The following UBTF variants were observed in gnomAD, a reference collection of about 807,000 sequenced individuals.
The protein encoded by UBTF is upstream binding transcription factor.
UBTF carries 8 observed loss-of-function variants against 112.3 expected under a neutral mutation model. The observed-to-expected ratio is 0.07, with a 90% CI of 0.04 to 0.13. The LOEUF is 0.13. Among genes scored for constraint, UBTF ranks in the 10% least tolerant of loss-of-function variants. UBTF has a pLI of 1.00. For synonymous variants in UBTF, 417 were observed against 373.1 expected (o/e 1.12, Z -1.36); for missense variants, 457 against 982.1 (o/e 0.47, Z 7.15).
chr17:44,218,115 G>A (rs1337174339), intron 2 of UBTF, 57 bp downstream of exon 2: 5 of 1,548,036 alleles, frequency 3.2e-6, no homozygotes, highest in African/African-American at 2.7e-5. Context: ...AGTGAGCCCC[G>A]CAGCCACGAG....
At position 44,209,634 on chromosome 17, in the gene UBTF, C is replaced by G. The variant is rs760390267; in HGVS notation, c.1715+11G>C. 5 of 1,614,158 alleles carry G rather than the reference C, an allele frequency of 3.1e-6. No individual in the cohort carries two copies. The Admixed American group carries it at 8.3e-5, about 27-fold the overall frequency. On this transcript the variant is annotated intron_variant, in intron 16 of 20. Coordinates refer to ENST00000436088, the MANE Select transcript of UBTF (RefSeq NM_014233.4). ...CCGACCTCCAGGGCAGACTCCAACC[C>G]CCAGGCTCACATGGGAGGCTTCTTG...
intron 5 of UBTF, among the ~76,000 whole-genome samples, chr17:44,214,133 C>T (rs1381940405): frequency 3.3e-5 from 5 of 152,214 alleles, no homozygotes; most frequent in South Asian, 2.1e-4. Flanking sequence ...CTTTCATCCT[C>T]GCGGGCTCAC....
Position 44,218,594 on chromosome 17 carries a change from C to CAAAAAAAAAAAA in UBTF, c.-67-310_-67-299dup, listed in dbSNP as rs71160095. ...CTCCGCCCCGCTTCCCAACCCCAGC[C>CAAAAAAAAAAAA]AAAAAAAAAAAAAAAGAAAAAATCT... On this transcript the variant is annotated intron_variant, in intron 1 of 20. Coordinates refer to ENST00000436088, the MANE Select transcript of UBTF (RefSeq NM_014233.4). 60 of 83,986 alleles carry CAAAAAAAAAAAA rather than the reference C, an allele frequency of 7.1e-4. 3 individuals carry two copies. The highest frequency in any genetic ancestry group is 5.1e-3 in the Middle Eastern group (1 of 198). 5.2% of individuals were successfully genotyped at this position (83,986 alleles called of 1,614,324 possible). A position where few individuals can be genotyped will look rare whatever the true frequency, so the allele number is the denominator to read the frequency against.
At chr17:44,218,328 A>G in intron 1 of UBTF, 32 bp from the exon 2 acceptor site, 1 of 1,344,796 alleles carries the variant, frequency 7.4e-7, no homozygotes, top group Non-Finnish European at 1.0e-6. Context: ...CCACTCAGGA[A>G]GGCTGAGAGG....
intron 13 of UBTF, 114 bp downstream of exon 13, chr17:44,210,678 G>GC: frequency 1.4e-6 from 2 of 1,462,264 alleles, no homozygotes. Flanking sequence ...CCACGTCCCA[G>GC]CCCAGGCACC....
chr17:44,208,875 G>A lies in UBTF; in HGVS notation c.1905+477C>T, dbSNP rs942160205. The A allele has an allele frequency of 1.2e-5, 4 of 329,294 alleles. No individual in the cohort carries two copies. The Admixed American group carries it at 1.6e-4, about 13-fold the overall frequency. 20.4% of individuals were successfully genotyped at this position (329,294 alleles called of 1,614,324 possible). ...AGTTACTTAACCTCTCTGAGCCTTG[G>A]TTTCCTTATTTTTAAAAGGGTGATA... On this transcript the variant is annotated intron_variant, in intron 17 of 20. Transcript: ENST00000436088.
intron 6 of UBTF, 94 bp from the exon 7 acceptor site, chr17:44,213,033 A>T: frequency 1.3e-6 from 2 of 1,569,594 alleles, no homozygotes; most frequent in African/African-American, 1.4e-5. Context: ...TGGGCCTTTC[A>T]GCTGGGGCTC....
chr17:44,216,188 G>C, intron 3 of UBTF, 199 bp from the exon 4 acceptor site: 1 of 618,040 alleles, frequency 1.6e-6, no homozygotes, highest in South Asian at 2.0e-5. Context: ...GGCCCAGGCA[G>C]TCAGTACACA....
upstream of UBTF, chr17:44,221,174 A>G (rs1287720834): frequency 4.0e-5 from 6 of 150,218 alleles, no homozygotes; most frequent in African/African-American, 1.5e-4. Context: ...AGACTTTTGG[A>G]TATTTCTGCC....
chr17:44,216,807 C>T (rs1465116645), intron 2 of UBTF, 103 bp from the exon 3 acceptor site: 16 of 1,172,422 alleles, frequency 1.4e-5, no homozygotes, highest in Non-Finnish European at 2.0e-5. Context: ...GGCATCCCAG[C>T]CCCTGGTTGC....
chr17:44,210,629 G>GA (rs2056604548), intron 13 of UBTF, among the ~76,000 whole-genome samples, 156 bp from the exon 14 acceptor site: 1 of 152,192 alleles, frequency 6.6e-6, no homozygotes, highest in Non-Finnish European at 1.5e-5. Flanking sequence ...GCGGCGCTCA[G>GA]CTGACAGCTT....
intron 5 of UBTF, 153 bp from the exon 6 acceptor site, chr17:44,213,435 C>T (rs2046679256): frequency 1.3e-6 from 1 of 782,020 alleles, no homozygotes; most frequent in Non-Finnish European, 2.0e-6. Context: ...CCTGGCGGGA[C>T]TCACCACAGA....
Position 44,211,747 on chromosome 17 carries a change from C to T in UBTF, c.906G>A (p.Pro302=). 1.2e-6 allele frequency: 2 copies of T among 1,605,124 alleles called. No homozygotes were observed. Among genetic ancestry groups the T allele is most frequent in the Non-Finnish European group, 1.7e-6 (2 of 1,178,580 alleles). Residue 302 remains proline (P), a splice_region_variant and synonymous_variant, in exon 10 of 21, where the codon CCG becomes CCA. Transcript: ENST00000436088. The surrounding 1 kb of genome is among the most constrained non-coding windows in gnomAD (Gnocchi z 4.9). ...KFDGRPTKPP[P]NSYSLYCAEL... ...CTGCGCAGTACAGCGAGTAGCTGTT[C>T]CTATCAGAGCCGCGGGGAGAGAGGT... is the stretch of plus-strand genomic sequence containing the variant.
intron 1 of UBTF, 128 bp downstream of exon 1, chr17:44,219,305 CCCAAGTGCCCTG>C (rs952621867): frequency 6.6e-6 from 1 of 151,142 alleles, no homozygotes; most frequent in Non-Finnish European, 1.5e-5. Flanking sequence ...TCGGCGTCCT[CCCAAGTGCCCTG>C]GTCTGCTCGC....
rs907600479 is a variant in UBTF at position 44,207,272 on chromosome 17, TGAG to T, written c.2262_2264del (p.Ser755del). The T allele has an allele frequency of 3.7e-6, 6 of 1,613,440 alleles. No individual in the cohort carries two copies. Among genetic ancestry groups the T allele is most frequent in the East Asian group, 2.2e-5 (1 of 44,870 alleles). On this transcript the variant is annotated inframe_deletion, in exon 21 of 21. Coordinates refer to ENST00000436088, the MANE Select transcript of UBTF (RefSeq NM_014233.4). ...TGGAGTCAGAGTCTGAGGAGTCCCCTGAGGAGGAGGAGCTGGAGCTGCTGCCCT... is the reference window on the plus strand; with the variant it reads ...TGGAGTCAGAGTCTGAGGAGTCCCCTGAGGAGGAGCTGGAGCTGCTGCCCT...
rs1269944041 is a variant in UBTF, at chr17:44,205,779, C to A, written c.*1463G>T. Reference sequence around the variant, plus strand: ...CAGTGACATGACCATAAAAAAGAACCCCCCAAATTTAGTCAACAAAAAAAT... The same window carrying A: ...CAGTGACATGACCATAAAAAAGAACACCCCAAATTTAGTCAACAAAAAAAT... On this transcript the variant is annotated 3_prime_UTR_variant, in exon 21 of 21. Transcript: ENST00000436088. 1 of 152,186 alleles carries A rather than the reference C, an allele frequency of 6.6e-6. No homozygotes were observed. The highest frequency in any genetic ancestry group is 1.5e-5 in the Non-Finnish European group (1 of 68,036). The allele number at this position is 152,186 out of a possible 1,614,324, so 9.4% of individuals were successfully genotyped here. A position where few individuals can be genotyped will look rare whatever the true frequency, so the allele number is the denominator to read the frequency against.
chr17:44,207,734 G>A lies in UBTF; in HGVS notation c.1990C>T (p.Pro664Ser). The change falls in exon 19 of 21, where the codon CCC (proline) becomes TCC (serine). Residue 664 changes from proline (P) to serine (S), a missense_variant. Pro to Ser is a moderately conservative substitution (Grantham distance 74). Transcript: ENST00000436088. Reference sequence around the variant, plus strand: ...TGCAGAGTAGTCCGGCTGGATTTGGGGTTTGGGCCTCGCAGCTTGGTCATG... The same window carrying A: ...TGCAGAGTAGTCCGGCTGGATTTGGAGTTTGGGCCTCGCAGCTTGGTCATG... ...KSMTKLRGPN[P>S]KSSRTTLQSK... 6.2e-7 allele frequency: 1 copy of A among 1,614,142 alleles called. No homozygotes were observed. The highest frequency in any genetic ancestry group is 8.5e-7 in the Non-Finnish European group (1 of 1,180,030).
rs1246515714 is a variant in UBTF at position 44,213,385 on chromosome 17, G to T, written c.475-103C>A. On this transcript the variant is annotated intron_variant, in intron 5 of 20. Transcript: ENST00000436088. ...CCTCGCTGGCTCTTCTGCCTCCCAC[G>T]CTGTGATGCAGGGAGTGGAGGCTGG... is the stretch of plus-strand genomic sequence containing the variant. 6 of 1,280,614 alleles carry T rather than the reference G, an allele frequency of 4.7e-6. No individual in the cohort carries two copies. The East Asian group carries it at 7.3e-5, about 16-fold the overall frequency. The allele number at this position is 1,280,614 out of a possible 1,614,324, so 79.3% of individuals were successfully genotyped here. A position where few individuals can be genotyped will look rare whatever the true frequency, so the allele number is the denominator to read the frequency against.
chr17:44,207,332 C>T lies in UBTF; in HGVS notation c.2205G>A (p.Glu735=). The change falls in exon 21 of 21, where the codon GAG becomes GAA. Residue 735 remains glutamate (E), a synonymous_variant. Coordinates refer to ENST00000436088, the MANE Select transcript of UBTF (RefSeq NM_014233.4). ...CATTATCTTCATCCTCATCGTCATC[C>T]TCGTCGTCGTCTTCGTCCTCGTCAT... ...EEDDEDEDDD[E]DDDEDEDNES... is the part of the protein sequence containing the mutation. 1 of 1,612,538 alleles carries T rather than the reference C, an allele frequency of 6.2e-7. No homozygotes were observed. Among genetic ancestry groups the T allele is most frequent in the Non-Finnish European group, 8.5e-7 (1 of 1,179,374 alleles).
Sources: allele counts gnomAD v4.1 joint callset (sites outside exome capture counted in the v4.1 genomes callset), GRCh38; gene constraint gnomAD v4.1.1; non-coding constraint Gnocchi (gnomAD v3.1); transcripts MANE v1.5; gene names NCBI Gene and HGNC (gene_info 2026-07-23, HGNC 2026-07-21).